URI1: variants seen among roughly 807,000 people sequenced by gnomAD.
URI1 encodes URI1 prefoldin like chaperone, also known as unconventional prefoldin RPB5 interactor 1.
In URI1, 39 loss-of-function variants were observed where a neutral mutation model predicts 60.2. The ratio of observed to expected loss-of-function variants is 0.65; its 90% confidence interval spans 0.50 to 0.85. URI1 has a LOEUF of 0.85. URI1 is among the 40% of genes least tolerant of loss of function. The probability of loss-of-function intolerance (pLI) is 0.00; values close to 1 mark genes in which losing one functional copy is unlikely to be tolerated. For synonymous variants in URI1, 251 were observed against 236.8 expected, an observed-to-expected ratio of 1.06 and a Z score of -0.55; for missense variants, 691 against 665.9, an observed-to-expected ratio of 1.04 and a Z score of -0.42.
At chr19:29,980,608 T>A (rs1401476726) in intron 2 of URI1, among the ~76,000 whole-genome samples, 1 of 99,770 alleles carries the variant, frequency 1.0e-5, no homozygotes, top group African/African-American at 3.8e-5. Context: ...AAGATTTTTT[T>A]TCTTAAAAAA....
intron 1 of URI1, among the ~76,000 whole-genome samples, chr19:29,964,452 G>GTTTTTTTTTTTTTTTTTTTTTTTTTTTT (rs1380907956): frequency 7.3e-6 from 1 of 137,260 alleles, no homozygotes; most frequent in African/African-American, 2.8e-5. Context: ...TTTTGTTTTT[G>GTTTTTTTTTTTTTTTTTTTTTTTTTTTT]TTTTTTGTTT....
chr19:30,001,311 T>G (rs1338892714), intron 4 of URI1, among the ~76,000 whole-genome samples: 1 of 151,852 alleles, frequency 6.6e-6, no homozygotes, highest in Non-Finnish European at 1.5e-5. Flanking sequence ...GCAAGCTGAT[T>G]TATTTATTTT....
chr19:30,013,919 T>TAGA (rs1238118422), intron 10 of URI1, among the ~76,000 whole-genome samples: 1 of 150,560 alleles, frequency 6.6e-6, no homozygotes, highest in African/African-American at 2.4e-5. Flanking sequence ...TGGGGCAAGG[T>TAGA]AGAAGAAGGT....
At chr19:29,929,528 T>A (rs1599644626) in intron 1 of URI1, among the ~76,000 whole-genome samples, 1 of 151,794 alleles carries the variant, frequency 6.6e-6, no homozygotes. Context: ...ACCCAGGAGG[T>A]GGAGGTTGCA....
At chr19:29,975,610 TCTC>T (rs1410892437) in intron 2 of URI1, among the ~76,000 whole-genome samples, 2 of 151,664 alleles carry the variant, frequency 1.3e-5, no homozygotes, top group African/African-American at 4.8e-5. Context: ...TTCAAGCTAT[TCTC>T]CTGACTCAGC....
At chr19:30,006,154 G>A (rs924710915) in intron 6 of URI1, among the ~76,000 whole-genome samples, 3 of 152,104 alleles carry the variant, frequency 2.0e-5, no homozygotes, top group Non-Finnish European at 4.4e-5. Flanking sequence ...TATGGTGCCT[G>A]CAGTGGCTTT....
intron 1 of URI1, among the ~76,000 whole-genome samples, chr19:29,949,774 G>T (rs2055155429): frequency 6.6e-6 from 1 of 152,006 alleles, no homozygotes; most frequent in Non-Finnish European, 1.5e-5. Flanking sequence ...CTCAGGCGTG[G>T]CGGCGCGCGC....
intron 1 of URI1, among the ~76,000 whole-genome samples, chr19:29,952,994 T>G (rs2055198513): frequency 6.6e-6 from 1 of 152,336 alleles, no homozygotes; most frequent in South Asian, 2.1e-4. Flanking sequence ...TGTTTCCTTC[T>G]AGGGATTTCA....
At chr19:29,943,888 G>C (rs1278874461) in intron 1 of URI1, among the ~76,000 whole-genome samples, 1 of 151,748 alleles carries the variant, frequency 6.6e-6, no homozygotes, top group Non-Finnish European at 1.5e-5. Context: ...AATCCCAGCT[G>C]CTTGGGATGT....
At chr19:29,956,789 A>G in intron 1 of URI1, 2 of 1,600,758 alleles carry the variant, frequency 1.2e-6, no homozygotes, top group South Asian at 2.2e-5. Context: ...AACGGTAGCC[A>G]GTTCCTTTCT....
At chr19:29,993,889 A>C (rs2055777451) in intron 4 of URI1, among the ~76,000 whole-genome samples, 1 of 151,986 alleles carries the variant, frequency 6.6e-6, no homozygotes, top group African/African-American at 2.4e-5. Flanking sequence ...CTCCACTCAA[A>C]TTGTAGGCAC....
intron 1 of URI1, among the ~76,000 whole-genome samples, chr19:29,949,067 C>T (rs997950379): frequency 2.0e-5 from 3 of 149,688 alleles, no homozygotes; most frequent in Non-Finnish European, 3.0e-5. Context: ...CCCCCGCCTC[C>T]CGGACGGGGC....
At chr19:29,969,620 C>G (rs1599685526) in intron 1 of URI1, among the ~76,000 whole-genome samples, 1 of 152,142 alleles carries the variant, frequency 6.6e-6, no homozygotes, top group East Asian at 1.9e-4. Context: ...GTTTGCAGGG[C>G]TTTGCTTTCT....
chr19:29,972,625 C>A (rs1329556543), intron 2 of URI1, among the ~76,000 whole-genome samples: 2 of 152,068 alleles, frequency 1.3e-5, no homozygotes, highest in African/African-American at 4.8e-5. Flanking sequence ...GATAAGGGCA[C>A]GTTTTCATCC....
At chr19:29,928,642 T>TA (rs1395033290) in intron 1 of URI1, among the ~76,000 whole-genome samples, 3 of 152,236 alleles carry the variant, frequency 2.0e-5, no homozygotes, top group African/African-American at 7.2e-5. Flanking sequence ...TCAAGGGCAG[T>TA]AGTGGGAATA....
chr19:29,998,679 T>G (rs548950921), intron 4 of URI1, among the ~76,000 whole-genome samples: 1 of 152,244 alleles, frequency 6.6e-6, no homozygotes, highest in Admixed American at 6.5e-5. Context: ...TCCTTCACTT[T>G]CAACCTATTT....
intron 1 of URI1, among the ~76,000 whole-genome samples, chr19:29,957,328 A>G (rs2055262249): frequency 1.5e-5 from 2 of 131,720 alleles, no homozygotes; most frequent in African/African-American, 2.7e-5. Context: ...GTACCTTGTA[A>G]TTTTGAACTG....
intron 4 of URI1, among the ~76,000 whole-genome samples, chr19:29,994,063 A>ATG (rs3053922): frequency 0.037 from 5,514 of 147,956 alleles, 111 homozygotes; most frequent in African/African-American, 0.051. Context: ...CTCTGTGTGT[A>ATG]TGTGTGTGTG....
chr19:29,943,933 G>A (rs2145226898), intron 1 of URI1, among the ~76,000 whole-genome samples: 1 of 151,246 alleles, frequency 6.6e-6, no homozygotes, highest in Non-Finnish European at 1.5e-5. Flanking sequence ...CAAGGAGTTC[G>A]AGATCAGCCT....
Sources: gnomAD v4.1 joint callset for allele counts (sites outside exome capture counted in the v4.1 genomes callset) on GRCh38, gnomAD v4.1.1 for gene constraint, MANE v1.5 for transcripts, NCBI Gene and HGNC (gene_info 2026-07-23, HGNC 2026-07-21) for gene names.